The following PXN variants were observed in gnomAD, a reference collection of about 807,000 sequenced individuals.
PXN encodes testicular tissue protein Li 134.
A neutral mutation model predicts 103.6 loss-of-function variants in PXN; 61 were observed. The ratio of observed to expected loss-of-function variants is 0.59; its 90% CI spans 0.48 to 0.73. The LOEUF is 0.73. Among genes scored for constraint, PXN ranks in the 30% least tolerant of loss-of-function variants. PXN has a pLI of 0.00. For missense variants in PXN, 1,274 were observed against 1,460.3 expected, an observed-to-expected ratio of 0.87 and a Z score of 2.08; for synonymous variants, 562 against 607.8, an observed-to-expected ratio of 0.92 and a Z score of 1.11.
chr12:120,244,505 A>G (rs1890706134), intron 1 of PXN, among the ~76,000 whole-genome samples: 1 of 151,980 alleles, frequency 6.6e-6, no homozygotes, highest in Non-Finnish European at 1.5e-5. Flanking sequence ...AAAATTAGCC[A>G]GGCGTGGTGG....
chr12:120,215,829 AG>A lies in PXN; in HGVS notation c.2302-169del. On this transcript the variant is annotated intron_variant, in intron 9 of 14. Coordinates refer to ENST00000637617, the MANE Select transcript of PXN (RefSeq NM_001385981.1). This position sits in a 1 kb window ranked among gnomAD's most constrained non-coding sequence, Gnocchi z 4.9. Reference sequence around the variant, plus strand: ...AAATCTGGAGAAAAAGAGCCCTGAGAGAGAGGCCTAGGGAGAAAGGAAGAAG... The same window carrying A: ...AAATCTGGAGAAAAAGAGCCCTGAGAAGAGGCCTAGGGAGAAAGGAAGAAG... The A allele has an allele frequency of 7.7e-7, 1 of 1,293,838 alleles. No individual in the cohort carries two copies. The highest frequency in any genetic ancestry group is 1.0e-6 in the Non-Finnish European group (1 of 976,454). 80.1% of individuals were successfully genotyped at this position (1,293,838 alleles called of 1,614,324 possible). A position where few individuals can be genotyped will look rare whatever the true frequency, so the allele number is the denominator to read the frequency against.
intron 1 of PXN, among the ~76,000 whole-genome samples, chr12:120,244,996 G>T (rs1890816921): frequency 6.6e-6 from 1 of 152,000 alleles, no homozygotes; most frequent in Non-Finnish European, 1.5e-5. Context: ...GGAGCTCCAA[G>T]AGGTGGGCTC....
At chr12:120,255,064 G>A (rs1892783863) in intron 1 of PXN, among the ~76,000 whole-genome samples, 1 of 152,190 alleles carries the variant, frequency 6.6e-6, no homozygotes, top group African/African-American at 2.4e-5. Flanking sequence ...GTCTCTGCTG[G>A]TGCGCAGACC....
intron 3 of PXN, 89 bp from the exon 4 acceptor site, chr12:120,223,088 G>A: frequency 1.3e-6 from 2 of 1,598,812 alleles, no homozygotes; most frequent in Non-Finnish European, 1.7e-6. Context: ...GGAGAACAAG[G>A]CAGAGGAGAT....
In PXN at chr12:120,212,665, G is replaced by A. The variant is rs575617974; in HGVS notation, c.2980-85C>T. ...TGATGGGGCCGAGGTGGGCATAGTC[G>A]GCACGCTCGGAGTGACTCCTACTTG... On this transcript the variant is annotated intron_variant, in intron 14 of 14. Coordinates refer to ENST00000637617, the MANE Select transcript of PXN (RefSeq NM_001385981.1). The surrounding 1 kb of genome is among the most constrained non-coding windows in gnomAD (Gnocchi z 7.2). 5.3e-5 allele frequency: 80 copies of A among 1,504,302 alleles called. No individual in the cohort carries two copies. In the East Asian group the frequency reaches 1.5e-3, roughly 27 times the overall value. 93.2% of individuals were successfully genotyped at this position (1,504,302 alleles called of 1,614,324 possible).
intron 1 of PXN, chr12:120,248,699 T>C (rs1891635407): frequency 6.6e-6 from 1 of 152,048 alleles, no homozygotes; most frequent in Non-Finnish European, 1.5e-5. Context: ...GCAACTAACC[T>C]CGGGCAAGTT....
chr12:120,262,731 ACAGT>A (rs1298119969), intron 1 of PXN, among the ~76,000 whole-genome samples: 3 of 152,180 alleles, frequency 2.0e-5, no homozygotes, highest in Admixed American at 2.0e-4. Context: ...GTTAGAAAAC[ACAGT>A]CAGAGTGCAT....
chr12:120,262,398 C>T (rs567179637), intron 1 of PXN, among the ~76,000 whole-genome samples: 1 of 152,332 alleles, frequency 6.6e-6, no homozygotes, highest in East Asian at 1.9e-4. Context: ...CTATCAATTA[C>T]TCAGCAGGCC....
At chr12:120,238,279 A>G (rs1889483996) in intron 1 of PXN, among the ~76,000 whole-genome samples, 1 of 152,158 alleles carries the variant, frequency 6.6e-6, no homozygotes, top group Admixed American at 6.5e-5. Context: ...CTCAAATGAG[A>G]CCACGTCGTA....
rs376899015 is a variant in PXN at position 120,245,779 on chromosome 12, C to T, written c.13+19838G>A. Among the ~76,000 whole-genome samples the T allele has an allele frequency of 6.4e-3, 849 of 133,448 alleles. 7 individuals carry two copies. The highest frequency in any genetic ancestry group is 0.023 in the African/African-American group (811 of 35,264). The allele number at this position is 133,448 out of a possible 152,430, so 87.5% of individuals were successfully genotyped here. A position where few individuals can be genotyped will look rare whatever the true frequency, so the allele number is the denominator to read the frequency against. ...CTCCAGCCTGGGCGACAGAGCGAGACTCCATCTCAAAAAAAAAAAAAAAAA... is the reference window on the plus strand; with the variant it reads ...CTCCAGCCTGGGCGACAGAGCGAGATTCCATCTCAAAAAAAAAAAAAAAAA... On this transcript the variant is annotated intron_variant, in intron 1 of 14. Transcript: ENST00000637617.
At chr12:120,259,333 A>G (rs188284573) in intron 1 of PXN, among the ~76,000 whole-genome samples, 2 of 152,166 alleles carry the variant, frequency 1.3e-5, no homozygotes, top group Admixed American at 6.5e-5. Context: ...CGGAGGTTGC[A>G]GTGAGCCAAG....
chr12:120,226,302 G>A, intron 1 of PXN: 1 of 1,289,174 alleles, frequency 7.8e-7, no homozygotes, highest in Non-Finnish European at 1.0e-6. Flanking sequence ...CCCCAGTAGG[G>A]GGCAGGAGCA....
chr12:120,211,841 C>T lies in PXN; in HGVS notation c.*473G>A. On this transcript the variant is annotated 3_prime_UTR_variant, in exon 15 of 15. Transcript: ENST00000637617. Reference sequence around the variant, plus strand: ...CTTTGGATGGATGGATTTATGCTGGCATTGTCTGGAGGGAGCCGGGTGTCC... The same window carrying T: ...CTTTGGATGGATGGATTTATGCTGGTATTGTCTGGAGGGAGCCGGGTGTCC... 1 of 475,412 alleles carries T rather than the reference C, an allele frequency of 2.1e-6. No individual in the cohort carries two copies. The highest frequency in any genetic ancestry group is 4.2e-6 in the Non-Finnish European group (1 of 237,262). The allele number at this position is 475,412 out of a possible 1,614,324, so 29.4% of individuals were successfully genotyped here. A position where few individuals can be genotyped will look rare whatever the true frequency, so the allele number is the denominator to read the frequency against.
chr12:120,258,983 C>T (rs1156493599), intron 1 of PXN, among the ~76,000 whole-genome samples: 2 of 152,068 alleles, frequency 1.3e-5, no homozygotes, highest in East Asian at 3.9e-4. Context: ...GCAGCAGAAT[C>T]GCTTGAACCC....
In PXN at chr12:120,212,288, G is replaced by A. The variant is rs773894457; in HGVS notation, c.*26C>T. ...GCAGTTGGGGATGCTGGCTGGGGAA[G>A]GGGGGCAGAGACAGGGGCAGGGCAC... is the stretch of plus-strand genomic sequence containing the variant. On this transcript the variant is annotated 3_prime_UTR_variant, in exon 15 of 15. Transcript: ENST00000637617. This position sits in a 1 kb window ranked among gnomAD's most constrained non-coding sequence, Gnocchi z 7.2. 1.1e-5 allele frequency: 18 copies of A among 1,602,144 alleles called. No individual in the cohort carries two copies. The Admixed American group carries it at 2.7e-4, about 24-fold the overall frequency.
chr12:120,241,740 T>C (rs1890183217), intron 1 of PXN, among the ~76,000 whole-genome samples: 1 of 152,110 alleles, frequency 6.6e-6, no homozygotes, highest in Non-Finnish European at 1.5e-5. Context: ...AAGTCCCAGC[T>C]TGATGGAAGA....
intron 1 of PXN, among the ~76,000 whole-genome samples, chr12:120,259,379 A>G (rs1169394219): frequency 6.6e-6 from 1 of 152,178 alleles, no homozygotes; most frequent in Non-Finnish European, 1.5e-5. Flanking sequence ...GTGACAGGGC[A>G]AGACTCTGCC....
rs1298953499 is a variant in PXN at position 120,217,441 on chromosome 12, C to A, written c.1717-325G>T. Among the ~76,000 whole-genome samples the A allele has an allele frequency of 6.6e-6, 1 of 152,202 alleles. No individual in the cohort carries two copies. The highest frequency in any genetic ancestry group is 1.5e-5 in the Non-Finnish European group (1 of 68,036). On this transcript the variant is annotated intron_variant, in intron 7 of 14. Coordinates refer to ENST00000637617, the MANE Select transcript of PXN (RefSeq NM_001385981.1). This position sits in a 1 kb window ranked among gnomAD's most constrained non-coding sequence, Gnocchi z 4.1. Reference sequence around the variant, plus strand: ...CAGCTTCCCCTTCCTTAAAATGGAACCACAAGATTTTCTTGGCTTACCGCA... The same window carrying A: ...CAGCTTCCCCTTCCTTAAAATGGAAACACAAGATTTTCTTGGCTTACCGCA...
intron 1 of PXN, among the ~76,000 whole-genome samples, chr12:120,264,553 G>A (rs1015921921): frequency 5.3e-5 from 8 of 152,226 alleles, no homozygotes; most frequent in Admixed American, 4.6e-4. Flanking sequence ...TCGGCTTCCA[G>A]GAGATACTTT....
Sources: gnomAD v4.1 joint callset for allele counts (sites outside exome capture counted in the v4.1 genomes callset) on GRCh38, gnomAD v4.1.1 for gene constraint, Gnocchi (gnomAD v3.1) non-coding constraint, MANE v1.5 for transcripts, NCBI Gene and HGNC (gene_info 2026-07-23, HGNC 2026-07-21) for gene names.